The following RASL12 variants were observed in gnomAD, a reference collection of about 807,000 sequenced individuals.
RASL12 encodes the protein RAS like family 12.
A neutral mutation model predicts 22.9 loss-of-function variants in RASL12; 16 were observed. That is an observed-to-expected ratio of 0.70 (90% CI 0.47 to 1.06). RASL12 has a LOEUF of 1.06. Ranked by LOEUF, RASL12 falls within the 50% of genes least tolerant of loss-of-function variation. RASL12 has a pLI of 0.00. For synonymous variants in RASL12, 159 were observed against 152.2 expected (o/e 1.04, Z -0.33); for missense variants, 306 against 353.1 (o/e 0.87, Z 1.07).
rs114220088 is a variant in RASL12 at position 65,062,094 on chromosome 15, T to C, written c.161-2676A>G. Among the ~76,000 whole-genome samples the C allele has an allele frequency of 4.2e-3, 638 of 150,242 alleles. 5 individuals are homozygous for C. Among genetic ancestry groups the C allele is most frequent in the African/African-American group, 0.015 (610 of 41,002 alleles). On this transcript the variant is annotated intron_variant, in intron 2 of 4. Transcript: ENST00000220062. The stretch of plus-strand genomic sequence containing the variant: ...AAAAAAAAAAAAGAAATGGTGCCTA[T>C]GTCCTCGCTGGAGGAGGAGGAGAGC...
downstream of RASL12, chr15:65,049,761 C>A (rs2086625187): frequency 2.5e-6 from 1 of 402,572 alleles, no homozygotes; most frequent in Non-Finnish European, 4.5e-6. Context: ...TCTGCCCCTC[C>A]AGGCTCCACG....
At chr15:65,058,228 C>G (rs976932557) in intron 4 of RASL12, among the ~76,000 whole-genome samples, 199 bp downstream of exon 4, 4 of 152,214 alleles carry the variant, frequency 2.6e-5, no homozygotes, top group Non-Finnish European at 5.9e-5. Flanking sequence ...GAGATGGTGC[C>G]ATTGCACTCC....
upstream of RASL12, among the ~76,000 whole-genome samples, chr15:65,071,810 G>C (rs79779732): frequency 0.015 from 2,311 of 152,134 alleles, 54 homozygotes; most frequent in African/African-American, 0.053. Context: ...TGGCCCCCTG[G>C]GAGTCAGCCC....
In RASL12 at chr15:65,054,809, T is replaced by C; in HGVS notation, c.*90A>G. 1 of 1,521,856 alleles carries C rather than the reference T, an allele frequency of 6.6e-7. No homozygotes were observed. The highest frequency in any genetic ancestry group is 1.3e-5 in the South Asian group (1 of 77,698). 94.3% of individuals were successfully genotyped at this position (1,521,856 alleles called of 1,614,324 possible). A position where few individuals can be genotyped will look rare whatever the true frequency, so the allele number is the denominator to read the frequency against. ...TGCTGGAGGCGGGGTCTGCTGTCCA[T>C]CAGACGGAAAGGCTGGTGGTGAGAA... On this transcript the variant is annotated 3_prime_UTR_variant, in exon 5 of 5. Transcript: ENST00000220062.
chr15:65,071,929 T>C (rs955602374), upstream of RASL12, among the ~76,000 whole-genome samples: 2 of 152,152 alleles, frequency 1.3e-5, no homozygotes, highest in Non-Finnish European at 2.9e-5. Context: ...CGATTGAGCC[T>C]CACATCCCCA....
intron 2 of RASL12, among the ~76,000 whole-genome samples, chr15:65,064,532 T>C (rs2086853265): frequency 1.3e-5 from 2 of 152,152 alleles, no homozygotes; most frequent in Admixed American, 1.3e-4. Context: ...TTCTCGAATG[T>C]CCTGCCCAGG....
upstream of RASL12, chr15:65,068,098 G>T: frequency 9.5e-7 from 1 of 1,047,472 alleles, no homozygotes; most frequent in Non-Finnish European, 1.1e-6. This position sits in a 1 kb window ranked among gnomAD's most constrained non-coding sequence, Gnocchi z 4.2. Context: ...GGCGCGCTCA[G>T]CCGGCTCCTG....
upstream of RASL12, among the ~76,000 whole-genome samples, chr15:65,070,684 C>T (rs1293565310): frequency 2.0e-5 from 3 of 152,174 alleles, no homozygotes; most frequent in Admixed American, 6.5e-5. Flanking sequence ...GTTTTCCTGA[C>T]GGCAGGACCT....
chr15:65,068,090 C>A, upstream of RASL12: 3 of 1,052,492 alleles, frequency 2.9e-6, no homozygotes, highest in Non-Finnish European at 2.3e-6. This position sits in a 1 kb window ranked among gnomAD's most constrained non-coding sequence, Gnocchi z 4.2. Flanking sequence ...CCCCGCGGGG[C>A]GCGCTCAGCC....
upstream of RASL12, among the ~76,000 whole-genome samples, chr15:65,072,010 G>T (rs939169815): frequency 6.6e-6 from 1 of 150,752 alleles, no homozygotes; most frequent in African/African-American, 2.4e-5. Context: ...GGAATAGTCA[G>T]ACACTCTTTC....
upstream of RASL12, among the ~76,000 whole-genome samples, chr15:65,069,445 G>A (rs2140536259): frequency 6.6e-6 from 1 of 152,334 alleles, no homozygotes; most frequent in East Asian, 1.9e-4. Flanking sequence ...GGGGCCTTTG[G>A]GGATAGAACC....
At chr15:65,059,858 G>A (rs2086781234) in intron 2 of RASL12, among the ~76,000 whole-genome samples, 1 of 152,200 alleles carries the variant, frequency 6.6e-6, no homozygotes, top group African/African-American at 2.4e-5. Flanking sequence ...GAAAAGAGAA[G>A]TACACAATAC....
Position 65,054,672 on chromosome 15 carries a change from G to C in RASL12, c.*227C>G, listed in dbSNP as rs1054242032. On this transcript the variant is annotated 3_prime_UTR_variant, in exon 5 of 5. Coordinates refer to ENST00000220062, the MANE Select transcript of RASL12 (RefSeq NM_016563.4). ...TGTCACAGTGGCTGTTTCCCTCTACGGCCACAGACGCGGTGGTTACCATGA... is the reference window on the plus strand; with the variant it reads ...TGTCACAGTGGCTGTTTCCCTCTACCGCCACAGACGCGGTGGTTACCATGA... 2 of 1,380,996 alleles carry C rather than the reference G, an allele frequency of 1.4e-6. No homozygotes were observed. Among genetic ancestry groups the C allele is most frequent in the Non-Finnish European group, 1.9e-6 (2 of 1,068,454 alleles). 85.5% of individuals were successfully genotyped at this position (1,380,996 alleles called of 1,614,324 possible). A position where few individuals can be genotyped will look rare whatever the true frequency, so the allele number is the denominator to read the frequency against.
chr15:65,056,269 G>A (rs1407732124), intron 4 of RASL12, among the ~76,000 whole-genome samples: 1 of 152,120 alleles, frequency 6.6e-6, no homozygotes, highest in African/African-American at 2.4e-5. Flanking sequence ...GGGCCATGGT[G>A]GGAAAAGTTT....
At position 65,059,426 on chromosome 15, in the gene RASL12, A is replaced by C; in HGVS notation, c.161-8T>G. The stretch of plus-strand genomic sequence containing the variant: ...CGGAGCTGTAGGTGTCCTCTACAAC[A>C]CAGATGGTTAGCCAGGTCAGACACA... On this transcript the variant is annotated splice_polypyrimidine_tract_variant and splice_region_variant and intron_variant, in intron 2 of 4. Transcript: ENST00000220062. 1 of 1,612,082 alleles carries C rather than the reference A, an allele frequency of 6.2e-7. No homozygotes were observed. Among genetic ancestry groups the C allele is most frequent in the Non-Finnish European group, 8.5e-7 (1 of 1,178,642 alleles).
chr15:65,057,667 A>G (rs1221544306), intron 4 of RASL12, among the ~76,000 whole-genome samples: 2 of 152,152 alleles, frequency 1.3e-5, no homozygotes, highest in African/African-American at 4.8e-5. Context: ...TGGGAGTGAG[A>G]GTGGGAGGCT....
chr15:65,057,875 G>A (rs1210021079), intron 4 of RASL12, among the ~76,000 whole-genome samples: 1 of 152,180 alleles, frequency 6.6e-6, no homozygotes, highest in Non-Finnish European at 1.5e-5. Flanking sequence ...GGAAGGAGTG[G>A]CCACTCTTCT....
chr15:65,059,408 G>A lies in RASL12; in HGVS notation c.171C>T (p.Tyr57=). 2 of 1,613,846 alleles carry A rather than the reference G, an allele frequency of 1.2e-6. No individual in the cohort carries two copies. The highest frequency in any genetic ancestry group is 2.2e-5 in the South Asian group (2 of 91,056). The part of the protein sequence containing the change: ...SEYDPNLEDT[Y]SSEETVDHQP... The stretch of plus-strand genomic sequence containing the variant: ...GGTGGTCCACAGTCTCCTCGGAGCT[G>A]TAGGTGTCCTCTACAACACAGATGG... Residue 57 remains tyrosine, a synonymous_variant, in exon 3 of 5, where the codon TAC becomes TAT. Transcript: ENST00000220062.
chr15:65,055,152 G>T lies in RASL12; in HGVS notation c.548C>A (p.Ala183Glu). Residue 183 changes from alanine to glutamate, a missense_variant, in exon 5 of 5, where the codon GCA becomes GAA. Ala to Glu is a moderately radical substitution (Grantham distance 107, BLOSUM62 -1). Coordinates refer to ENST00000220062, the MANE Select transcript of RASL12 (RefSeq NM_016563.4). ...QHVFHEAVRE[A>E]RRELEKSPLT... ...GGGGCTCTTCTCCAGCTCCCGCCGT[G>T]CCTCTCGCACTGCCTCGTGGAAGAC... 1 of 1,612,352 alleles carries T rather than the reference G, an allele frequency of 6.2e-7. No homozygotes were observed. Among genetic ancestry groups the T allele is most frequent in the Non-Finnish European group, 8.5e-7 (1 of 1,179,640 alleles).
Sources: allele counts gnomAD v4.1 joint callset (sites outside exome capture counted in the v4.1 genomes callset), GRCh38; gene constraint gnomAD v4.1.1; non-coding constraint Gnocchi (gnomAD v3.1); transcripts MANE v1.5; gene names NCBI Gene and HGNC (gene_info 2026-07-23, HGNC 2026-07-21).